Variants in KATNAL2 observed in about 807,000 individuals in gnomAD.
KATNAL2 encodes the protein katanin p60 ATPase-containing subunit A-like 2.
In KATNAL2, 52 loss-of-function variants were observed where a neutral mutation model predicts 76.3. The ratio of observed to expected loss-of-function variants is 0.68; its 90% CI spans 0.55 to 0.86. The LOEUF (loss-of-function observed/expected upper bound fraction) is 0.86. KATNAL2 is among the 40% of genes least tolerant of loss of function. The probability of loss-of-function intolerance (pLI) is 0.00; values close to 1 mark genes in which losing one functional copy is unlikely to be tolerated. For synonymous variants in KATNAL2, 243 were observed against 244.2 expected (o/e 1.00, Z 0.05); for missense variants, 660 against 668.9 (o/e 0.99, Z 0.15).
intron 15 of KATNAL2, 182 bp from the exon 16 acceptor site, chr18:47,099,061 T>C (rs2063366406): frequency 1.0e-5 from 5 of 488,710 alleles, no homozygotes; most frequent in Non-Finnish European, 7.0e-6. Context: ...CCCTCAGTTC[T>C]CTTTCTCACC....
chr18:47,068,564 G>A (rs1348730529), intron 11 of KATNAL2, among the ~76,000 whole-genome samples: 1 of 152,138 alleles, frequency 6.6e-6, no homozygotes, highest in Non-Finnish European at 1.5e-5. Flanking sequence ...TTGACATCAG[G>A]ATTAGCATGA....
chr18:47,082,054 C>T (rs1259621005), intron 15 of KATNAL2, among the ~76,000 whole-genome samples: 1 of 151,966 alleles, frequency 6.6e-6, no homozygotes, highest in African/African-American at 2.4e-5. Context: ...TCACTTTATC[C>T]CAATATGTAC....
At chr18:46,917,949 T>C (rs2058181015) in intron 1 of KATNAL2, 23 bp downstream of exon 1, 1 of 152,196 alleles carries the variant, frequency 6.6e-6, no homozygotes, top group Admixed American at 6.5e-5. Context: ...TCCCATCTAA[T>C]GGTGAGGTTG....
At position 47,052,944 on chromosome 18, in the gene KATNAL2, T is replaced by G. The variant is rs1381429435; in HGVS notation, c.187T>G (p.Cys63Gly). The G allele has an allele frequency of 6.2e-7, 1 of 1,612,674 alleles. No individual in the cohort carries two copies. The highest frequency in any genetic ancestry group is 8.5e-7 in the Non-Finnish European group (1 of 1,179,334). Residue 63 changes from cysteine (C) to glycine (G), a missense_variant, in exon 5 of 18, where the codon TGT becomes GGT. Cys to Gly is a radical substitution (Grantham distance 159, BLOSUM62 -3). Coordinates refer to ENST00000683218, the MANE Select transcript of KATNAL2 (RefSeq NM_001387690.1). ...TKLGLRRFEV[C>G]DNIDLETILM... ...ACTGGGGTTACGACGGTTTGAAGTTTGTGACAACATTGATCTTGAAACTAT... is the reference window on the plus strand; with the variant it reads ...ACTGGGGTTACGACGGTTTGAAGTTGGTGACAACATTGATCTTGAAACTAT...
At chr18:46,937,879 G>C (rs552369272) in intron 1 of KATNAL2, among the ~76,000 whole-genome samples, 12 of 152,274 alleles carry the variant, frequency 7.9e-5, no homozygotes, top group African/African-American at 2.9e-4. Flanking sequence ...CGAGGCAGGA[G>C]GATCACTTGA....
At chr18:47,080,434 C>CA (rs773269085) in intron 15 of KATNAL2, among the ~76,000 whole-genome samples, 2 of 152,120 alleles carry the variant, frequency 1.3e-5, no homozygotes, top group Non-Finnish European at 2.9e-5. Context: ...TTCTTTACCC[C>CA]AAAAAGAAAC....
chr18:46,947,715 G>C (rs796674309), intron 3 of KATNAL2, among the ~76,000 whole-genome samples: 3 of 152,298 alleles, frequency 2.0e-5, no homozygotes, highest in African/African-American at 7.2e-5. Context: ...GGTGATTACA[G>C]TGTGTAGCCA....
chr18:46,941,638 G>C (rs1377713756), intron 1 of KATNAL2, among the ~76,000 whole-genome samples: 3 of 152,220 alleles, frequency 2.0e-5, no homozygotes, highest in African/African-American at 7.2e-5. Flanking sequence ...CACTCCTGTT[G>C]AGTAGTTGGG....
chr18:46,948,205 G>T (rs2059437374), intron 3 of KATNAL2, among the ~76,000 whole-genome samples: 1 of 152,064 alleles, frequency 6.6e-6, no homozygotes. Flanking sequence ...CCACCTGCCG[G>T]GTTCAAGTGA....
chr18:47,092,411 A>C (rs892001833), intron 15 of KATNAL2, among the ~76,000 whole-genome samples: 5 of 152,134 alleles, frequency 3.3e-5, no homozygotes, highest in African/African-American at 1.2e-4. Flanking sequence ...AGGTGGGAGA[A>C]TTGCTTGAAC....
At chr18:47,075,877 T>A (rs2062193345) in intron 14 of KATNAL2, among the ~76,000 whole-genome samples, 1 of 152,232 alleles carries the variant, frequency 6.6e-6, no homozygotes, top group Admixed American at 6.5e-5. Context: ...TTTAAATATG[T>A]TACATATATT....
At chr18:46,951,443 T>A (rs148279894) in intron 3 of KATNAL2, among the ~76,000 whole-genome samples, 340 of 151,806 alleles carry the variant, frequency 2.2e-3, no homozygotes, top group African/African-American at 7.9e-3. Context: ...GTGGTATCTT[T>A]TCTGGATCTC....
chr18:47,084,736 C>A (rs1030622098), intron 15 of KATNAL2, among the ~76,000 whole-genome samples: 9 of 150,278 alleles, frequency 6.0e-5, no homozygotes, highest in Non-Finnish European at 1.0e-4. Flanking sequence ...GTAGTCCCAG[C>A]TACTCAGGAG....
intron 6 of KATNAL2, 156 bp downstream of exon 6, chr18:47,054,594 C>G: frequency 1.4e-6 from 1 of 719,708 alleles, no homozygotes; most frequent in South Asian, 1.8e-5. Flanking sequence ...CTCATTACAG[C>G]TGCCCCAGAT....
At position 47,075,405 on chromosome 18, in the gene KATNAL2, T is replaced by G; in HGVS notation, c.1100+37T>G. 10 of 1,402,184 alleles carry G rather than the reference T, an allele frequency of 7.1e-6. 1 individual carries two copies. The Middle Eastern group carries it at 1.3e-3, about 180-fold the overall frequency. The allele number at this position is 1,402,184 out of a possible 1,614,324, so 86.9% of individuals were successfully genotyped here. A position where few individuals can be genotyped will look rare whatever the true frequency, so the allele number is the denominator to read the frequency against. On this transcript the variant is annotated intron_variant, in intron 14 of 17. Transcript: ENST00000683218. ...GGTTGGGGTTTTTGTTGTTGTTGTT[T>G]TTTGTCATGGCTTCTCCCCTCTTGT...
chr18:46,939,001 C>G (rs974804829), intron 1 of KATNAL2, among the ~76,000 whole-genome samples: 3 of 152,074 alleles, frequency 2.0e-5, no homozygotes, highest in African/African-American at 7.2e-5. Context: ...TATTCTATCC[C>G]CATTGATTGA....
In KATNAL2 at chr18:47,096,802, G is replaced by A. The variant is rs191375512; in HGVS notation, c.1212-2441G>A. On this transcript the variant is annotated intron_variant, in intron 15 of 17. Coordinates refer to ENST00000683218, the MANE Select transcript of KATNAL2 (RefSeq NM_001387690.1). ...AGGGAAAGCTCTGCTTTACATAATA[G>A]TGCTATGTAATTTCATAATAACTCC... 3.7e-4 allele frequency among the ~76,000 whole-genome samples: 56 copies of A among 152,212 alleles called. 1 individual carries two copies. Among genetic ancestry groups the A allele is most frequent in the Admixed American group, 2.0e-3 (31 of 15,284 alleles).
At chr18:47,032,894 CACCAAGTTAA>C in intron 3 of KATNAL2, 1 of 1,590,168 alleles carries the variant, frequency 6.3e-7, no homozygotes, top group Non-Finnish European at 8.6e-7. Context: ...CTCAACTTTG[CACCAAGTTAA>C]AGGTTCTGGT....
intron 15 of KATNAL2, among the ~76,000 whole-genome samples, chr18:47,086,802 T>TG (rs2062795616): frequency 6.6e-6 from 1 of 152,132 alleles, no homozygotes; most frequent in Non-Finnish European, 1.5e-5. Context: ...GTAGGTCCAG[T>TG]GGGGAAGGCA....
Sources: gnomAD v4.1 joint callset for allele counts (sites outside exome capture counted in the v4.1 genomes callset) on GRCh38, gnomAD v4.1.1 for gene constraint, MANE v1.5 for transcripts, NCBI Gene and HGNC (gene_info 2026-07-23, HGNC 2026-07-21) for gene names.